USP42: variants seen among roughly 807,000 people sequenced by gnomAD.
The protein encoded by USP42 is ubiquitin carboxyl-terminal hydrolase 42.
In USP42, 23 loss-of-function variants were observed where a neutral mutation model predicts 113.0. That is an observed-to-expected ratio of 0.20 (90% CI 0.15 to 0.29). USP42 has a LOEUF of 0.29. USP42 is among the 10% of genes least tolerant of loss of function. The pLI is 1.00. For synonymous variants in USP42, 933 were observed against 699.0 expected (o/e 1.33, Z -5.28); for missense variants, 2,174 against 1,779.8 (o/e 1.22, Z -3.99).
the USP42 span, among the ~76,000 whole-genome samples, chr7:6,096,911 T>TTTTC: frequency 2.1e-5 from 3 of 140,020 alleles, no homozygotes; most frequent in African/African-American, 3.0e-5. Flanking sequence ...GATGCCATCA[T>TTTTC]TTTCTTTCTT....
chr7:6,114,828 C>G (rs551121351), intron 2 of USP42, among the ~76,000 whole-genome samples: 2 of 150,682 alleles, frequency 1.3e-5, no homozygotes, highest in Admixed American at 6.6e-5. Flanking sequence ...GTAGCTAGGA[C>G]TACAGGTGCC....
chr7:6,125,183 C>CAAA (rs56776147), intron 3 of USP42, among the ~76,000 whole-genome samples: 45 of 38,586 alleles, frequency 1.2e-3, no homozygotes, highest in Admixed American at 1.8e-3. Context: ...TCTGTCTCAA[C>CAAA]AAAAAAAAAA....
At chr7:6,135,298 C>T (rs1781071513) in intron 3 of USP42, among the ~76,000 whole-genome samples, 1 of 152,134 alleles carries the variant, frequency 6.6e-6, no homozygotes, top group African/African-American at 2.4e-5. Flanking sequence ...ACTCTCTGAG[C>T]TTTTTTCCTT....
Position 6,154,966 on chromosome 7 carries a change from G to A in USP42, c.3412G>A (p.Ala1138Thr). The A allele has an allele frequency of 6.4e-7, 1 of 1,560,370 alleles. No individual in the cohort carries two copies. Among genetic ancestry groups the A allele is most frequent in the Non-Finnish European group, 8.7e-7 (1 of 1,151,768 alleles). ...HPDRFSHDRT[A>T]LVAGDNCNLS... ...CGACCGCTTCTCCCACGACAGAACT[G>A]CACTTGTAGCCGGAGACAACTGTAA... The change falls in exon 15 of 18, where the codon GCA becomes ACA. Residue 1138 changes from alanine to threonine, a missense_variant. Coordinates refer to ENST00000306177, the MANE Select transcript of USP42 (RefSeq NM_032172.3).
chr7:6,161,118 A>C lies in USP42; in HGVS notation c.*600A>C, dbSNP rs562630718. ...TGAACTTTGTGGAACTGTTCCAATC[A>C]ATCAATTTCCCAGTTATGATGAGTA... On this transcript the variant is annotated 3_prime_UTR_variant, in exon 18 of 18. Transcript: ENST00000306177. 1 of 152,786 alleles carries C rather than the reference A, an allele frequency of 6.5e-6. No homozygotes were observed. The highest frequency in any genetic ancestry group is 2.1e-4 in the South Asian group (1 of 4,826). 9.5% of individuals were successfully genotyped at this position (152,786 alleles called of 1,614,324 possible). A position where few individuals can be genotyped will look rare whatever the true frequency, so the allele number is the denominator to read the frequency against.
chr7:6,125,826 T>G (rs1034766971), intron 3 of USP42, among the ~76,000 whole-genome samples: 5 of 152,252 alleles, frequency 3.3e-5, no homozygotes, highest in Middle Eastern at 3.4e-3. Context: ...TTTTGTTTTT[T>G]TTTTGGTTTG....
chr7:6,098,965 G>A, the USP42 span, among the ~76,000 whole-genome samples: 2 of 150,258 alleles, frequency 1.3e-5, no homozygotes, highest in African/African-American at 5.0e-5. Context: ...GGACATTAGA[G>A]TCCTGTCCTT....
intron 3 of USP42, among the ~76,000 whole-genome samples, chr7:6,129,218 C>T (rs1434775694): frequency 6.6e-6 from 1 of 152,200 alleles, no homozygotes; most frequent in Non-Finnish European, 1.5e-5. Flanking sequence ...AGAAACATTA[C>T]TTCCCTATGT....
intron 2 of USP42, among the ~76,000 whole-genome samples, chr7:6,112,364 G>C (rs112104657): frequency 2.2e-3 from 331 of 152,092 alleles, no homozygotes; most frequent in Non-Finnish European, 3.7e-3. Context: ...CAGGAGAATC[G>C]CATGAACCTG....
rs1161457321 is a variant in USP42, at chr7:6,111,215, C to T, written c.82C>T (p.Pro28Ser). The stretch of plus-strand genomic sequence containing the variant: ...GCCTGGCAGCTCCGAGGCAGTCTCA[C>T]CTGGAGACATGGATGCAGGTTCTGC... The part of the protein sequence containing the change: ...NQPGSSEAVS[P>S]GDMDAGSASW... Residue 28 changes from proline (P) to serine (S), a missense_variant, in exon 2 of 18, where the codon CCT (proline) becomes TCT (serine). Transcript: ENST00000306177. 2.5e-6 allele frequency: 4 copies of T among 1,610,984 alleles called. No homozygotes were observed. Among genetic ancestry groups the T allele is most frequent in the African/African-American group, 1.3e-5 (1 of 75,048 alleles).
chr7:6,144,311 A>C, intron 9 of USP42, 115 bp downstream of exon 9: 2 of 665,882 alleles, frequency 3.0e-6, no homozygotes, highest in Non-Finnish European at 4.9e-6. Flanking sequence ...GCTAACTATT[A>C]CCTACATTTG....
At chr7:6,096,410 A>T in the USP42 span, among the ~76,000 whole-genome samples, 2 of 151,040 alleles carry the variant, frequency 1.3e-5, no homozygotes, top group Non-Finnish European at 2.9e-5. Flanking sequence ...GAGAGGAGGG[A>T]TCCCAATGGT....
chr7:6,155,223 G>A, intron 15 of USP42, 28 bp downstream of exon 15: 2 of 1,496,680 alleles, frequency 1.3e-6, no homozygotes, highest in Non-Finnish European at 1.8e-6. Context: ...TGCTCCCCGA[G>A]GCGCTGGCGC....
chr7:6,141,100 T>A, intron 7 of USP42, 116 bp downstream of exon 7: 1 of 507,120 alleles, frequency 2.0e-6, no homozygotes, highest in African/African-American at 2.0e-5. Flanking sequence ...AAATTCAATA[T>A]GCTAAGATTT....
At chr7:6,100,022 T>C (rs964768742), upstream of USP42, among the ~76,000 whole-genome samples, 1 of 149,456 alleles carries the variant, frequency 6.7e-6, no homozygotes, top group African/African-American at 2.5e-5. Flanking sequence ...ATTATTATTA[T>C]TATTATTATT....
At chr7:6,089,224 T>A in the USP42 span, among the ~76,000 whole-genome samples, 6 of 148,912 alleles carry the variant, frequency 4.0e-5, no homozygotes, top group African/African-American at 1.3e-4. Context: ...TTTTTTTTTT[T>A]TGTATTTTTA....
intron 3 of USP42, chr7:6,128,060 C>T (rs1053165793): frequency 1.3e-5 from 2 of 152,104 alleles, no homozygotes; most frequent in Non-Finnish European, 2.9e-5. Flanking sequence ...TATCCTCCTG[C>T]CTCAGCCTTC....
At chr7:6,135,313 G>A (rs1294923160) in intron 3 of USP42, among the ~76,000 whole-genome samples, 2 of 151,946 alleles carry the variant, frequency 1.3e-5, no homozygotes, top group Non-Finnish European at 2.9e-5. Context: ...TTCCTTTCTT[G>A]TGAAAGAGAG....
chr7:6,129,276 C>T (rs62454270), intron 3 of USP42, among the ~76,000 whole-genome samples: 2 of 152,148 alleles, frequency 1.3e-5, no homozygotes, highest in Non-Finnish European at 2.9e-5. Context: ...TTCTTCTAGG[C>T]CAGGCGTGGT....
Sources: gnomAD v4.1 joint callset for allele counts (sites outside exome capture counted in the v4.1 genomes callset) on GRCh38, gnomAD v4.1.1 for gene constraint, MANE v1.5 for transcripts, NCBI Gene and HGNC (gene_info 2026-07-23, HGNC 2026-07-21) for gene names.